The following OSBPL6 variants were observed in gnomAD, a reference collection of about 807,000 sequenced individuals.
OSBPL6 encodes oxysterol-binding protein-related protein 6.
OSBPL6 carries 49 observed loss-of-function variants against 125.8 expected under a neutral mutation model. The ratio of observed to expected loss-of-function variants is 0.39; its 90% confidence interval spans 0.31 to 0.49. The LOEUF is 0.49. Ranked by LOEUF, OSBPL6 falls within the 20% of genes least tolerant of loss-of-function variation. OSBPL6 has a pLI of 0.88. For synonymous variants in OSBPL6, 394 were observed against 391.8 expected, an observed-to-expected ratio of 1.01 and a Z score of -0.07; for missense variants, 986 against 1,135.4, an observed-to-expected ratio of 0.87 and a Z score of 1.89.
intron 8 of OSBPL6, among the ~76,000 whole-genome samples, chr2:178,335,803 C>T (rs576415784): frequency 1.1e-4 from 17 of 152,198 alleles, no homozygotes; most frequent in African/African-American, 2.6e-4. Flanking sequence ...TAATAACTTG[C>T]CATGACTGCC....
At chr2:178,238,439 C>T (rs2091151359) in intron 1 of OSBPL6, among the ~76,000 whole-genome samples, 1 of 152,100 alleles carries the variant, frequency 6.6e-6, no homozygotes, top group South Asian at 2.1e-4. Flanking sequence ...AAGTGCAAGA[C>T]TAGTGATCCC....
At chr2:178,200,985 G>A (rs1050414251) in intron 1 of OSBPL6, among the ~76,000 whole-genome samples, 9 of 151,872 alleles carry the variant, frequency 5.9e-5, no homozygotes, top group African/African-American at 2.2e-4. Context: ...TAGTAGAGAT[G>A]GGGTTTCACC....
chr2:178,306,479 C>CT (rs1686767866), intron 3 of OSBPL6, among the ~76,000 whole-genome samples, 193 bp downstream of exon 3: 2 of 152,132 alleles, frequency 1.3e-5, no homozygotes, highest in African/African-American at 2.4e-5. Context: ...ATTTAGGACT[C>CT]TTTTTTAGAA....
At chr2:178,299,442 T>A (rs774992681) in intron 2 of OSBPL6, among the ~76,000 whole-genome samples, 13 of 152,340 alleles carry the variant, frequency 8.5e-5, no homozygotes, top group Non-Finnish European at 1.6e-4. Flanking sequence ...AAGTAAAGTA[T>A]CTTTCATTAT....
intron 1 of OSBPL6, among the ~76,000 whole-genome samples, chr2:178,266,251 A>G (rs1451147910): frequency 6.6e-6 from 1 of 152,160 alleles, no homozygotes; most frequent in Non-Finnish European, 1.5e-5. Context: ...GAACTATTGG[A>G]GCCCCATATA....
chr2:178,386,052 C>G (rs980946281), intron 19 of OSBPL6, among the ~76,000 whole-genome samples: 3 of 152,190 alleles, frequency 2.0e-5, no homozygotes, highest in African/African-American at 7.2e-5. Flanking sequence ...AGTTTCTAAA[C>G]TCCTTTACAA....
At chr2:178,392,069 T>G (rs1465019452) in intron 22 of OSBPL6, among the ~76,000 whole-genome samples, 1 of 152,248 alleles carries the variant, frequency 6.6e-6, no homozygotes, top group Non-Finnish European at 1.5e-5. Flanking sequence ...GTGTTTCTGG[T>G]GTACTCTTAA....
chr2:178,312,356 A>G (rs1318962628), intron 3 of OSBPL6, among the ~76,000 whole-genome samples: 2 of 151,320 alleles, frequency 1.3e-5, no homozygotes. Flanking sequence ...ATGGGGTTTC[A>G]CCATGTTGGC....
chr2:178,280,734 T>C (rs1684076965), intron 1 of OSBPL6, among the ~76,000 whole-genome samples: 1 of 152,212 alleles, frequency 6.6e-6, no homozygotes, highest in African/African-American at 2.4e-5. Flanking sequence ...TTAACAATTG[T>C]GTGCAGGCCT....
chr2:178,271,521 T>C (rs1184025562), intron 1 of OSBPL6, among the ~76,000 whole-genome samples: 1 of 152,162 alleles, frequency 6.6e-6, no homozygotes, highest in Non-Finnish European at 1.5e-5. Flanking sequence ...TCAGCCAGGG[T>C]TATTCAGTAA....
intron 3 of OSBPL6, 39 bp downstream of exon 3, chr2:178,306,325 C>T (rs1383000490): frequency 3.3e-6 from 4 of 1,202,320 alleles, no homozygotes; most frequent in Non-Finnish European, 5.0e-6. Context: ...TTGTTTTATG[C>T]AAATGCAATA....
intron 11 of OSBPL6, among the ~76,000 whole-genome samples, chr2:178,345,690 C>T (rs1043463420): frequency 2.0e-5 from 3 of 152,100 alleles, no homozygotes; most frequent in African/African-American, 7.2e-5. Flanking sequence ...TTAAGAAATA[C>T]ACATGGTTAT....
chr2:178,195,151 C>T lies in OSBPL6; in HGVS notation c.-351+477C>T, dbSNP rs574937584. On this transcript the variant is annotated intron_variant, in intron 1 of 24. Coordinates refer to ENST00000190611, the MANE Select transcript of OSBPL6 (RefSeq NM_032523.4). ...GCGAGAGCTAACGCCTACGCCGCAC[C>T]TTTCAGGGAATCGGGGAAGCCGAGA... is the stretch of plus-strand genomic sequence containing the variant. Among the ~76,000 whole-genome samples, 7 of 152,330 alleles carry T rather than the reference C, an allele frequency of 4.6e-5. No individual in the cohort carries two copies. The East Asian group carries it at 1.4e-3, about 29-fold the overall frequency.
intron 1 of OSBPL6, among the ~76,000 whole-genome samples, chr2:178,272,177 C>T (rs906638153): frequency 1.3e-5 from 2 of 152,192 alleles, no homozygotes; most frequent in African/African-American, 4.8e-5. Flanking sequence ...GTGAAGTCAG[C>T]CTCCACTTGG....
chr2:178,275,995 G>A (rs1035800439), intron 1 of OSBPL6, among the ~76,000 whole-genome samples: 6 of 152,168 alleles, frequency 3.9e-5, no homozygotes, highest in African/African-American at 9.7e-5. Context: ...ATTAGCAGTA[G>A]CATTGTTAAG....
intron 1 of OSBPL6, among the ~76,000 whole-genome samples, chr2:178,253,846 A>ATCTCC (rs2091784609): frequency 6.6e-6 from 1 of 152,166 alleles, no homozygotes; most frequent in Non-Finnish European, 1.5e-5. Context: ...CAGTATGGAG[A>ATCTCC]GGTGGGGCCT....
At chr2:178,379,206 G>A (rs949910908) in intron 15 of OSBPL6, among the ~76,000 whole-genome samples, 1 of 149,986 alleles carries the variant, frequency 6.7e-6, no homozygotes, top group East Asian at 2.0e-4. Context: ...AAGAAAGGAA[G>A]GGAGGGAGGA....
chr2:178,383,005 G>T lies in OSBPL6; in HGVS notation c.1622-19G>T. On this transcript the variant is annotated intron_variant, in intron 16 of 24. Transcript: ENST00000190611. Reference sequence around the variant, plus strand: ...TCAGAACAGCAAAGTGTCCTTCACTGTGACTCTCCTTCTTCCAGTCCTGAA... The same window carrying T: ...TCAGAACAGCAAAGTGTCCTTCACTTTGACTCTCCTTCTTCCAGTCCTGAA... 6.2e-7 allele frequency: 1 copy of T among 1,613,316 alleles called. No individual in the cohort carries two copies. The highest frequency in any genetic ancestry group is 2.2e-5 in the East Asian group (1 of 44,880).
intron 15 of OSBPL6, among the ~76,000 whole-genome samples, chr2:178,374,546 C>G (rs2154107335): frequency 6.6e-6 from 1 of 152,300 alleles, no homozygotes; most frequent in East Asian, 1.9e-4. Flanking sequence ...CTGGATTGCT[C>G]TTCATGCTTA....
Sources: allele counts gnomAD v4.1 joint callset (sites outside exome capture counted in the v4.1 genomes callset), GRCh38; gene constraint gnomAD v4.1.1; transcripts MANE v1.5; gene names NCBI Gene and HGNC (gene_info 2026-07-23, HGNC 2026-07-21).